Variants in P4HA1 observed in about 807,000 individuals in gnomAD.
P4HA1 encodes the protein prolyl 4-hydroxylase subunit alpha 1.
In P4HA1, 24 loss-of-function variants were observed where a neutral mutation model predicts 72.8. That is an observed-to-expected ratio of 0.33 (90% CI 0.24 to 0.46). The LOEUF is 0.46. Among genes scored for constraint, P4HA1 ranks in the 20% least tolerant of loss-of-function variants. The pLI is 1.00. For missense variants in P4HA1, 446 were observed against 640.6 expected (o/e 0.70, Z 3.28); for synonymous variants, 201 against 218.8 (o/e 0.92, Z 0.72).
At chr10:73,031,242 G>A (rs1166274540) in intron 9 of P4HA1, among the ~76,000 whole-genome samples, 2 of 152,184 alleles carry the variant, frequency 1.3e-5, no homozygotes, top group Non-Finnish European at 2.9e-5. Context: ...CCAGCACTTT[G>A]GGAGGCTGAG....
chr10:73,088,720 G>T (rs1841970296), intron 1 of P4HA1, among the ~76,000 whole-genome samples: 1 of 152,208 alleles, frequency 6.6e-6, no homozygotes, highest in Non-Finnish European at 1.5e-5. Flanking sequence ...ATAAAACAAA[G>T]ATTGTTTTTT....
intron 7 of P4HA1, among the ~76,000 whole-genome samples, chr10:73,049,624 G>T (rs1212863948): frequency 6.6e-6 from 1 of 152,064 alleles, no homozygotes; most frequent in African/African-American, 2.4e-5. Flanking sequence ...AACATCTATA[G>T]AACTGGAATT....
At chr10:73,070,142 CTTTT>C (rs71021546) in intron 4 of P4HA1, among the ~76,000 whole-genome samples, 3 of 64,468 alleles carry the variant, frequency 4.7e-5, no homozygotes, top group African/African-American at 1.9e-4. Context: ...GAGACCAGGC[CTTTT>C]TTTTTTTTTT....
chr10:73,063,740 C>T (rs1841362115), intron 5 of P4HA1, among the ~76,000 whole-genome samples: 1 of 152,132 alleles, frequency 6.6e-6, no homozygotes, highest in South Asian at 2.1e-4. Context: ...ATTATTTGAA[C>T]ATGCATGGCA....
chr10:73,069,811 GT>G (rs765143260), intron 4 of P4HA1, among the ~76,000 whole-genome samples: 47 of 142,420 alleles, frequency 3.3e-4, no homozygotes, highest in Admixed American at 5.6e-4. Context: ...CAACTGTTTT[GT>G]TTTTTTTTTT....
At chr10:73,023,804 G>GAAAA (rs532449772) in intron 10 of P4HA1, among the ~76,000 whole-genome samples, 1 of 107,782 alleles carries the variant, frequency 9.3e-6, no homozygotes, top group African/African-American at 3.8e-5. Flanking sequence ...GAAGCAAATG[G>GAAAA]AAAGAAAAAA....
rs1316212456 is a variant in P4HA1, at chr10:73,037,554, TATATATATATATA to T, written c.1149-7197_1149-7185del. The stretch of plus-strand genomic sequence containing the variant: ...ATATATATATATATATATATATATA[TATATATATATATA>T]TATATTTTTTTTTTTTTTTTTTTAC... On this transcript the variant is annotated intron_variant, in intron 9 of 14. Coordinates refer to ENST00000394890, the MANE Select transcript of P4HA1 (RefSeq NM_001017962.3). 1.4e-3 allele frequency among the ~76,000 whole-genome samples: 45 copies of T among 33,156 alleles called. 4 individuals are homozygous for T. Among genetic ancestry groups the T allele is most frequent in the South Asian group, 8.9e-3 (9 of 1,010 alleles). The allele number at this position is 33,156 out of a possible 152,430, so 21.8% of individuals were successfully genotyped here.
At chr10:73,067,979 A>T (rs1841466886) in intron 5 of P4HA1, among the ~76,000 whole-genome samples, 1 of 152,194 alleles carries the variant, frequency 6.6e-6, no homozygotes, top group Non-Finnish European at 1.5e-5. Context: ...ACCTGAAACC[A>T]ATTTTAAAAA....
intron 6 of P4HA1, among the ~76,000 whole-genome samples, 160 bp downstream of exon 6, chr10:73,053,191 C>T (rs1329495018): frequency 6.6e-6 from 1 of 152,214 alleles, no homozygotes; most frequent in Admixed American, 6.5e-5. Context: ...CCATCATTTA[C>T]TTTGAGAATA....
intron 9 of P4HA1, among the ~76,000 whole-genome samples, chr10:73,030,741 A>G (rs539448690): frequency 5.9e-5 from 9 of 152,322 alleles, no homozygotes; most frequent in Admixed American, 1.3e-4. Context: ...GGAACTGACT[A>G]TGGTGGAAGT....
At chr10:73,009,548 G>C (rs1839866516) in intron 14 of P4HA1, 1 of 371,218 alleles carries the variant, frequency 2.7e-6, no homozygotes, top group African/African-American at 2.0e-5. Flanking sequence ...TTAACCCTTT[G>C]AGGGGAAGAT....
chr10:73,020,429 A>AAAC (rs1319417758), intron 10 of P4HA1, among the ~76,000 whole-genome samples: 1 of 152,094 alleles, frequency 6.6e-6, no homozygotes, highest in East Asian at 1.9e-4. Flanking sequence ...AAAAACAAAA[A>AAAC]AACAACCTAC....
chr10:73,030,777 T>C (rs987251305), intron 9 of P4HA1, among the ~76,000 whole-genome samples: 5 of 152,304 alleles, frequency 3.3e-5, no homozygotes, highest in Admixed American at 1.3e-4. Flanking sequence ...CTGAGCTACA[T>C]AATGCTAATA....
chr10:73,026,668 C>T (rs996464190), intron 10 of P4HA1, among the ~76,000 whole-genome samples: 12 of 152,128 alleles, frequency 7.9e-5, no homozygotes, highest in African/African-American at 2.9e-4. Context: ...AGTGAACAGG[C>T]AACCTACAGA....
chr10:73,046,572 A>C (rs1480747762), intron 8 of P4HA1, among the ~76,000 whole-genome samples: 1 of 152,250 alleles, frequency 6.6e-6, no homozygotes, highest in Non-Finnish European at 1.5e-5. Flanking sequence ...GTAAAAATAC[A>C]GAAGTGAAAA....
At chr10:73,039,410 C>T (rs543481686) in intron 9 of P4HA1, among the ~76,000 whole-genome samples, 8 of 151,962 alleles carry the variant, frequency 5.3e-5, no homozygotes, top group South Asian at 2.1e-4. Context: ...GGGTTCCTGC[C>T]GTTCTCCTGC....
chr10:73,051,241 G>T lies in P4HA1; in HGVS notation c.712C>A (p.His238Asn). ...TTTAAGTTACCATTAGCTCTCTGATGTTCAGGATCTATTAGAAGAGAAACA... is the reference window on the plus strand; with the variant it reads ...TTTAAGTTACCATTAGCTCTCTGATTTTCAGGATCTATTAGAAGAGAAACA... ...TKKLLELDPE[H>N]QRANGNLKYF... The change falls in exon 7 of 15, where the codon CAT becomes AAT. Residue 238 changes from histidine to asparagine, a missense_variant. His to Asn is a moderately conservative substitution (Grantham distance 68). Transcript: ENST00000394890. 1 of 1,568,152 alleles carries T rather than the reference G, an allele frequency of 6.4e-7. No homozygotes were observed. The highest frequency in any genetic ancestry group is 1.4e-5 in the African/African-American group (1 of 73,840).
intron 1 of P4HA1, among the ~76,000 whole-genome samples, chr10:73,086,267 G>GGGCTATTATGGGTTATTTCCTTTT (rs1841921628): frequency 6.6e-6 from 1 of 152,188 alleles, no homozygotes; most frequent in African/African-American, 2.4e-5. Context: ...ATAGCCAAAA[G>GGGCTATTATGGGTTATTTCCTTTT]GGTGGAAATA....
intron 10 of P4HA1, among the ~76,000 whole-genome samples, chr10:73,020,536 T>C (rs1026435136): frequency 3.3e-5 from 5 of 152,152 alleles, no homozygotes; most frequent in Non-Finnish European, 4.4e-5. Flanking sequence ...TTCCAAAAGA[T>C]TGAGAACGAA....
Sources: gnomAD v4.1 joint callset for allele counts (sites outside exome capture counted in the v4.1 genomes callset) on GRCh38, gnomAD v4.1.1 for gene constraint, MANE v1.5 for transcripts, NCBI Gene and HGNC (gene_info 2026-07-23, HGNC 2026-07-21) for gene names.